TXNDC16: variants seen among roughly 807,000 people sequenced by gnomAD.
The protein encoded by TXNDC16 is thioredoxin domain-containing protein 16.
In TXNDC16, 74 loss-of-function variants were observed where a neutral mutation model predicts 85.6. The ratio of observed to expected loss-of-function variants is 0.86; its 90% CI spans 0.72 to 1.05. The LOEUF is 1.05. Among genes scored for constraint, TXNDC16 ranks in the 50% least tolerant of loss-of-function variants. TXNDC16 has a pLI of 0.00. For missense variants in TXNDC16, 959 were observed against 947.0 expected, an observed-to-expected ratio of 1.01 and a Z score of -0.17; for synonymous variants, 335 against 326.5, an observed-to-expected ratio of 1.03 and a Z score of -0.28.
In TXNDC16 at chr14:52,491,000, T is replaced by C. The variant is rs148949472; in HGVS notation, c.762A>G (p.Glu254=). 42 of 1,541,974 alleles carry C rather than the reference T, an allele frequency of 2.7e-5. No homozygotes were observed. In the African/African-American group the frequency reaches 3.7e-4, roughly 13 times the overall value. The change falls in exon 10 of 21, where the codon GAA becomes GAG. Residue 254 remains glutamate (E), a synonymous_variant. Transcript: ENST00000281741. ...IKTMKAPLLT[E]VAEDPQQVST... is the part of the protein sequence containing the mutation. ...AAACTTGTTGAGGATCTTCAGCAAC[T>C]TCAGTCTTCATTGAAAAAAAAAAAA...
At chr14:52,434,250 T>A (rs2140096938) in intron 20 of TXNDC16, among the ~76,000 whole-genome samples, 1 of 152,314 alleles carries the variant, frequency 6.6e-6, no homozygotes, top group East Asian at 1.9e-4. Context: ...TTAACAATAG[T>A]TATTTTTTAA....
chr14:52,447,470 C>T (rs2035311147), intron 18 of TXNDC16, among the ~76,000 whole-genome samples: 1 of 152,228 alleles, frequency 6.6e-6, no homozygotes, highest in African/African-American at 2.4e-5. Context: ...AGACCCAGTA[C>T]TGTGCTGGCT....
chr14:52,485,508 C>T (rs1391012877), intron 12 of TXNDC16, among the ~76,000 whole-genome samples: 6 of 152,162 alleles, frequency 3.9e-5, no homozygotes, highest in Admixed American at 3.9e-4. Flanking sequence ...TGTTCTAGGC[C>T]TTTACACTCA....
intron 18 of TXNDC16, among the ~76,000 whole-genome samples, chr14:52,450,392 A>C (rs1342491810): frequency 6.6e-6 from 1 of 152,012 alleles, no homozygotes; most frequent in African/African-American, 2.4e-5. Context: ...GAAGAAATTC[A>C]AAACCTAAAT....
At chr14:52,490,602 T>C (rs1271001246) in intron 10 of TXNDC16, 151 bp from the exon 11 acceptor site, 5 of 785,390 alleles carry the variant, frequency 6.4e-6, no homozygotes, top group Non-Finnish European at 5.8e-6. Context: ...CACGTAAACA[T>C]AGACCAGATT....
At chr14:52,548,829 C>T (rs987351190) in intron 1 of TXNDC16, among the ~76,000 whole-genome samples, 1 of 151,990 alleles carries the variant, frequency 6.6e-6, no homozygotes, top group Non-Finnish European at 1.5e-5. Flanking sequence ...TTGCAGTGAG[C>T]CGAGATCACA....
At chr14:52,524,285 G>C (rs1035174977) in intron 6 of TXNDC16, among the ~76,000 whole-genome samples, 1 of 152,158 alleles carries the variant, frequency 6.6e-6, no homozygotes, top group Non-Finnish European at 1.5e-5. Context: ...AACTATGACA[G>C]TTAAAAATAA....
intron 4 of TXNDC16, among the ~76,000 whole-genome samples, chr14:52,540,284 A>G (rs1181039863): frequency 6.6e-6 from 1 of 152,196 alleles, no homozygotes; most frequent in East Asian, 1.9e-4. Flanking sequence ...TTCCCAATAC[A>G]TCTGTGACTT....
At chr14:52,452,816 A>C (rs1204926587) in intron 18 of TXNDC16, among the ~76,000 whole-genome samples, 1 of 152,174 alleles carries the variant, frequency 6.6e-6, no homozygotes, top group African/African-American at 2.4e-5. Context: ...AGGCAACCAC[A>C]GCAAAAATGA....
chr14:52,499,325 A>G (rs908846232), intron 9 of TXNDC16, among the ~76,000 whole-genome samples: 1 of 152,084 alleles, frequency 6.6e-6, no homozygotes, highest in African/African-American at 2.4e-5. Flanking sequence ...ACAAACTAAA[A>G]CTTCTAATAG....
At chr14:52,476,140 A>G (rs566518353) in intron 14 of TXNDC16, among the ~76,000 whole-genome samples, 1 of 152,256 alleles carries the variant, frequency 6.6e-6, no homozygotes, top group Admixed American at 6.5e-5. Flanking sequence ...AGAGTACTAC[A>G]TCAAGGGAAC....
intron 9 of TXNDC16, among the ~76,000 whole-genome samples, chr14:52,499,593 T>C (rs2036609349): frequency 6.6e-6 from 1 of 150,894 alleles, no homozygotes; most frequent in Non-Finnish European, 1.5e-5. Flanking sequence ...CTCATATCCT[T>C]TAAAATGGCC....
chr14:52,488,831 G>GGAAAAAA (rs1336603891), intron 11 of TXNDC16, among the ~76,000 whole-genome samples: 2 of 89,958 alleles, frequency 2.2e-5, no homozygotes, highest in South Asian at 3.4e-4. Flanking sequence ...GAGACTCTGG[G>GGAAAAAA]AAAAAAAAAA....
chr14:52,447,045 T>C (rs1404344299), intron 18 of TXNDC16, among the ~76,000 whole-genome samples: 1 of 151,738 alleles, frequency 6.6e-6, no homozygotes, highest in African/African-American at 2.4e-5. Context: ...AAAGGGGACT[T>C]TGTCTTGCAC....
At chr14:52,478,295 C>T (rs2036063967) in intron 14 of TXNDC16, among the ~76,000 whole-genome samples, 1 of 151,874 alleles carries the variant, frequency 6.6e-6, no homozygotes, top group African/African-American at 2.4e-5. Flanking sequence ...AAACCAAATC[C>T]GAACCCAGCA....
intron 9 of TXNDC16, among the ~76,000 whole-genome samples, chr14:52,508,680 T>C (rs566088547): frequency 1.6e-4 from 25 of 152,130 alleles, no homozygotes; most frequent in Non-Finnish European, 2.8e-4. Flanking sequence ...TGTCCAACAA[T>C]GATAGACTGG....
intron 18 of TXNDC16, among the ~76,000 whole-genome samples, chr14:52,453,106 G>A (rs2140113016): frequency 6.6e-6 from 1 of 152,264 alleles, no homozygotes; most frequent in South Asian, 2.1e-4. Flanking sequence ...GATCATCAGA[G>A]AAATGCAAAT....
intron 6 of TXNDC16, among the ~76,000 whole-genome samples, chr14:52,522,027 C>A (rs1049961359): frequency 2.0e-5 from 3 of 152,200 alleles, no homozygotes; most frequent in Non-Finnish European, 2.9e-5. Context: ...CAGTGGCAAG[C>A]TGAGCTATTG....
chr14:52,478,507 C>T (rs894411216), intron 14 of TXNDC16, among the ~76,000 whole-genome samples: 5 of 152,010 alleles, frequency 3.3e-5, no homozygotes, highest in African/African-American at 9.7e-5. Context: ...CACACTGACA[C>T]CACAGAAATA....
Sources: gnomAD v4.1 joint callset for allele counts (sites outside exome capture counted in the v4.1 genomes callset) on GRCh38, gnomAD v4.1.1 for gene constraint, MANE v1.5 for transcripts, NCBI Gene and HGNC (gene_info 2026-07-23, HGNC 2026-07-21) for gene names.